Variants in ATP13A4 observed in about 807,000 individuals in gnomAD.
ATP13A4 encodes ATPase 13A4.
Under a neutral mutation model 142.5 loss-of-function variants are expected in ATP13A4, and 114 were observed. The observed-to-expected ratio is 0.80, with a 90% CI of 0.69 to 0.93. The LOEUF is 0.93. Ranked by LOEUF, ATP13A4 falls within the 40% of genes least tolerant of loss-of-function variation. The probability of loss-of-function intolerance (pLI) is 0.00; values close to 1 mark genes in which losing one functional copy is unlikely to be tolerated. For missense variants in ATP13A4, 1,392 were observed against 1,454.0 expected (o/e 0.96, Z 0.69); for synonymous variants, 488 against 514.8 (o/e 0.95, Z 0.70).
intron 8 of ATP13A4, among the ~76,000 whole-genome samples, chr3:193,476,270 A>C (rs1254848872): frequency 6.6e-6 from 1 of 152,072 alleles, no homozygotes; most frequent in Non-Finnish European, 1.5e-5. Context: ...TTCCCCGTCC[A>C]TTTTTATGTA....
intron 29 of ATP13A4, among the ~76,000 whole-genome samples, chr3:193,405,839 T>C (rs1714464934): frequency 6.6e-6 from 1 of 152,116 alleles, no homozygotes; most frequent in Admixed American, 6.5e-5. Context: ...CACTTTAATA[T>C]GCGGAAATGG....
At chr3:193,492,894 A>G (rs1186651077) in intron 5 of ATP13A4, 23 bp downstream of exon 5, 2 of 1,545,224 alleles carry the variant, frequency 1.3e-6, no homozygotes, top group Admixed American at 3.3e-5. Context: ...TTGAGCTAGT[A>G]TAGGCAATAA....
rs116046456 is a variant in ATP13A4 at position 193,510,140 on chromosome 3, C to T, written c.234+4558G>A. 8.1e-3 allele frequency among the ~76,000 whole-genome samples: 1,226 copies of T among 152,034 alleles called. 18 individuals are homozygous for T. Among genetic ancestry groups the T allele is most frequent in the African/African-American group, 0.027 (1,132 of 41,476 alleles). ...GAGAGACCAAGTTGCAGAGGAGGAG[C>T]GGGGAGGAGAGGAGGTAAGCGACCC... On this transcript the variant is annotated intron_variant, in intron 2 of 29. Transcript: ENST00000342695.
intron 29 of ATP13A4, chr3:193,403,640 T>A: frequency 1.7e-6 from 1 of 582,036 alleles, no homozygotes; most frequent in Non-Finnish European, 2.2e-6. Context: ...AAGACATGTC[T>A]CTTTGAAAAC....
chr3:193,541,643 A>G (rs1037420972), intron 1 of ATP13A4, among the ~76,000 whole-genome samples: 1 of 152,120 alleles, frequency 6.6e-6, no homozygotes, highest in Non-Finnish European at 1.5e-5. Flanking sequence ...CACTCCAAGT[A>G]ACAGTATCCA....
chr3:193,486,039 T>C (rs7634062), intron 7 of ATP13A4, among the ~76,000 whole-genome samples: 68,824 of 149,814 alleles, frequency 0.46, 16,136 homozygotes, highest in African/African-American at 0.55. Flanking sequence ...GAAAATACAG[T>C]TGTCTTTAAA....
rs1303238409 is a variant in ATP13A4, at chr3:193,438,536, A to T, written c.2611T>A (p.Ser871Thr). 1 of 1,614,082 alleles carries T rather than the reference A, an allele frequency of 6.2e-7. No homozygotes were observed. The highest frequency in any genetic ancestry group is 8.5e-7 in the Non-Finnish European group (1 of 1,180,054). Reference protein sequence around the residue: ...VGISLSEQEASVASPFTSKTP... With the variant: ...VGISLSEQEATVASPFTSKTP... ...TTGGAAGTGAAAGGTGAGGCCACAGATGCCTCCTGCTCTGATAATGAGATG... is the reference window on the plus strand; with the variant it reads ...TTGGAAGTGAAAGGTGAGGCCACAGTTGCCTCCTGCTCTGATAATGAGATG... The change falls in exon 23 of 30, where the codon TCT (serine) becomes ACT (threonine). Residue 871 changes from serine to threonine, a missense_variant. Physicochemically the swap from Ser to Thr is moderately conservative, Grantham distance 58. Transcript: ENST00000342695.
In ATP13A4 at chr3:193,430,623, C is replaced by T. The variant is rs921049387; in HGVS notation, c.2842+3222G>A. On this transcript the variant is annotated intron_variant, in intron 25 of 29. Transcript: ENST00000342695. The stretch of plus-strand genomic sequence containing the variant: ...AAAAAAGTCAAAGACATATAAAGAT[C>T]CAAGGGGAGAGTATTTTAGGCAAAA... Among the ~76,000 whole-genome samples, 13 of 151,792 alleles carry T rather than the reference C, an allele frequency of 8.6e-5. No homozygotes were observed. The East Asian group carries it at 2.5e-3, about 29-fold the overall frequency.
intron 17 of ATP13A4, among the ~76,000 whole-genome samples, chr3:193,449,906 G>A (rs944275072): frequency 6.6e-6 from 1 of 152,010 alleles, no homozygotes; most frequent in African/African-American, 2.4e-5. Flanking sequence ...GATCACCTGA[G>A]GTCGGGAGTT....
intron 1 of ATP13A4, among the ~76,000 whole-genome samples, chr3:193,551,668 T>C (rs1012170536): frequency 6.6e-6 from 1 of 152,216 alleles, no homozygotes; most frequent in Admixed American, 6.5e-5. Context: ...AGTCCTATTT[T>C]ACAGGTATAA....
chr3:193,464,412 T>C (rs1202206291), intron 12 of ATP13A4, among the ~76,000 whole-genome samples: 1 of 152,214 alleles, frequency 6.6e-6, no homozygotes, highest in Non-Finnish European at 1.5e-5. Flanking sequence ...CGAGGCTGGT[T>C]GGGAATAACT....
At chr3:193,490,537 T>C (rs1349527374) in intron 6 of ATP13A4, among the ~76,000 whole-genome samples, 1 of 152,048 alleles carries the variant, frequency 6.6e-6, no homozygotes, top group Non-Finnish European at 1.5e-5. Context: ...TGCGAGAGAG[T>C]AGCTGTGAAC....
At chr3:193,504,759 T>C (rs962705604) in intron 2 of ATP13A4, among the ~76,000 whole-genome samples, 4 of 152,082 alleles carry the variant, frequency 2.6e-5, no homozygotes, top group African/African-American at 7.2e-5. Flanking sequence ...AATTTGTAGG[T>C]AAATAGGAAC....
chr3:193,457,882 C>T (rs1560201460), intron 14 of ATP13A4, among the ~76,000 whole-genome samples: 1 of 152,162 alleles, frequency 6.6e-6, no homozygotes, highest in Non-Finnish European at 1.5e-5. Flanking sequence ...GGATGGTTCT[C>T]AGGGCTGGGG....
chr3:193,548,989 A>G (rs1439662176), intron 1 of ATP13A4, among the ~76,000 whole-genome samples: 1 of 152,248 alleles, frequency 6.6e-6, no homozygotes, highest in African/African-American at 2.4e-5. Flanking sequence ...GTTCAACTTC[A>G]AATCAAGGAA....
At chr3:193,535,934 T>C (rs889307182) in intron 1 of ATP13A4, among the ~76,000 whole-genome samples, 1 of 152,020 alleles carries the variant, frequency 6.6e-6, no homozygotes, top group Non-Finnish European at 1.5e-5. Flanking sequence ...CTTCACTCAA[T>C]GTGAAATAGA....
chr3:193,464,954 CAAGGTTTAACT>C lies in ATP13A4; in HGVS notation c.1436_1446del (p.Gln479ArgfsTer4). ...AACACACATACCTTGTCAAAGCAGA[CAAGGTTTAACT>C]GTCCACATACGTTGATCCTCTGGGG... On this transcript the variant is annotated frameshift_variant, in exon 12 of 30. Coordinates refer to ENST00000342695, the MANE Select transcript of ATP13A4 (RefSeq NM_032279.4). LOFTEE classifies it high-confidence loss of function. 6.2e-7 allele frequency: 1 copy of C among 1,614,022 alleles called. No homozygotes were observed. Among genetic ancestry groups the C allele is most frequent in the Non-Finnish European group, 8.5e-7 (1 of 1,179,966 alleles).
At chr3:193,560,510 T>A (rs897015740) in intron 2 of ATP13A4, among the ~76,000 whole-genome samples, 1 of 152,232 alleles carries the variant, frequency 6.6e-6, no homozygotes, top group Non-Finnish European at 1.5e-5. Flanking sequence ...GCCCGGCTGC[T>A]ACTCACTTTT....
intron 10 of ATP13A4, among the ~76,000 whole-genome samples, 153 bp downstream of exon 10, chr3:193,467,163 T>C (rs115945953): frequency 0.015 from 2,305 of 152,178 alleles, 58 homozygotes; most frequent in African/African-American, 0.049. Flanking sequence ...CCCATAAGTA[T>C]ATACACAGCT....
Sources: allele counts gnomAD v4.1 joint callset (sites outside exome capture counted in the v4.1 genomes callset), GRCh38; gene constraint gnomAD v4.1.1; transcripts MANE v1.5; gene names NCBI Gene and HGNC (gene_info 2026-07-23, HGNC 2026-07-21).